The following FER variants were observed in gnomAD, a reference collection of about 807,000 sequenced individuals.
The protein encoded by FER is tyrosine-protein kinase Fer.
A neutral mutation model predicts 111.0 loss-of-function variants in FER; 63 were observed. The ratio of observed to expected loss-of-function variants is 0.57; its 90% confidence interval spans 0.46 to 0.70. The LOEUF is 0.70. Among genes scored for constraint, FER ranks in the 30% least tolerant of loss-of-function variants. The pLI, the probability that FER is intolerant of heterozygous loss-of-function variation, is 0.00. For missense variants in FER, 914 were observed against 954.0 expected, an observed-to-expected ratio of 0.96 and a Z score of 0.55; for synonymous variants, 327 against 313.9, an observed-to-expected ratio of 1.04 and a Z score of -0.44.
chr5:108,847,189 A>T (rs780938578), intron 5 of FER, among the ~76,000 whole-genome samples: 3 of 150,438 alleles, frequency 2.0e-5, no homozygotes, highest in Non-Finnish European at 4.4e-5. Flanking sequence ...TCAATTTTAT[A>T]TATTATGTTT....
chr5:108,862,020 T>C (rs890638589), intron 5 of FER, among the ~76,000 whole-genome samples: 3 of 152,212 alleles, frequency 2.0e-5, no homozygotes, highest in Non-Finnish European at 4.4e-5. Context: ...GTATGCCTTA[T>C]AACCAAATGT....
rs71592773 is a variant in FER, at chr5:108,864,189, T to G, written c.482-3578T>G. ...AATTAAACTCTTTAAAAAAATTATG[T>G]GTTGCTCCATAGAAGTCAGTGGTGA... On this transcript the variant is annotated intron_variant, in intron 5 of 19. Coordinates refer to ENST00000281092, the MANE Select transcript of FER (RefSeq NM_005246.4). 7.6e-3 allele frequency among the ~76,000 whole-genome samples: 1,152 copies of G among 152,290 alleles called. 8 individuals carry two copies. The highest frequency in any genetic ancestry group is 0.01 in the Non-Finnish European group (707 of 68,018).
chr5:109,086,287 C>CT (rs373950994), intron 16 of FER, among the ~76,000 whole-genome samples: 70,268 of 151,208 alleles, frequency 0.46, 17,074 homozygotes, highest in African/African-American at 0.6. Flanking sequence ...GTCCTTACAT[C>CT]CATTTGTCAA....
At chr5:108,947,556 G>T (rs1757150788) in intron 11 of FER, among the ~76,000 whole-genome samples, 3 of 151,718 alleles carry the variant, frequency 2.0e-5, no homozygotes. Flanking sequence ...ATTTATTGTT[G>T]AGTTGTAAGA....
chr5:108,905,730 T>G (rs1458036713), intron 10 of FER, among the ~76,000 whole-genome samples: 1 of 152,198 alleles, frequency 6.6e-6, no homozygotes, highest in African/African-American at 2.4e-5. Context: ...AAACATTTTT[T>G]AAACTTGTGT....
intron 16 of FER, among the ~76,000 whole-genome samples, chr5:109,061,233 C>A (rs1422629646): frequency 1.3e-5 from 2 of 152,012 alleles, no homozygotes; most frequent in African/African-American, 4.8e-5. Context: ...AAATTTGAAA[C>A]CTCTGATAAA....
intron 13 of FER, among the ~76,000 whole-genome samples, chr5:109,031,927 T>C (rs1005561379): frequency 6.6e-6 from 1 of 152,206 alleles, no homozygotes; most frequent in Admixed American, 6.6e-5. Context: ...CTCATCTGTT[T>C]GGAGATGAAC....
intron 9 of FER, among the ~76,000 whole-genome samples, chr5:108,887,178 A>G (rs1005396785): frequency 6.6e-6 from 1 of 151,690 alleles, no homozygotes; most frequent in African/African-American, 2.4e-5. Context: ...TATGTTAGAT[A>G]TTTGCATTCT....
chr5:108,820,319 G>A (rs1758708471), intron 3 of FER: 18 of 985,318 alleles, frequency 1.8e-5, no homozygotes, highest in Non-Finnish European at 2.2e-5. Flanking sequence ...GGACTGTGAA[G>A]GTATTTTATT....
intron 5 of FER, among the ~76,000 whole-genome samples, chr5:108,860,145 A>G (rs1194176347): frequency 1.3e-5 from 2 of 151,674 alleles, no homozygotes; most frequent in African/African-American, 4.8e-5. Flanking sequence ...GTTTCACCAT[A>G]TTGGCCAGGC....
At chr5:108,943,008 A>G (rs1756481901) in intron 10 of FER, among the ~76,000 whole-genome samples, 1 of 152,074 alleles carries the variant, frequency 6.6e-6, no homozygotes, top group Admixed American at 6.6e-5. Flanking sequence ...ATGTTATTAG[A>G]TTGGGTTTAT....
chr5:108,886,371 C>T (rs1747156669), intron 9 of FER, among the ~76,000 whole-genome samples: 2 of 149,298 alleles, frequency 1.3e-5, no homozygotes, highest in Admixed American at 6.7e-5. Flanking sequence ...TACTTTGTGT[C>T]ACATATTATG....
In FER at chr5:108,832,940, C is replaced by A; in HGVS notation, c.378C>A (p.Ile126=). ...ATCAGCAGATAGAGGCAGAGATGAT[C>A]AAGGTTCGTTTTTCCATATTGAAGT... ...GVHQQIEAEM[I]KVTKTELEKL... The change falls in exon 4 of 20, where the codon ATC becomes ATA. Residue 126 remains isoleucine, a synonymous_variant. Coordinates refer to ENST00000281092, the MANE Select transcript of FER (RefSeq NM_005246.4). 2 of 1,559,070 alleles carry A rather than the reference C, an allele frequency of 1.3e-6. No individual in the cohort carries two copies. Among genetic ancestry groups the A allele is most frequent in the Non-Finnish European group, 8.7e-7 (1 of 1,155,100 alleles).
chr5:109,098,369 A>T (rs1042270670), intron 16 of FER, among the ~76,000 whole-genome samples: 1 of 151,776 alleles, frequency 6.6e-6, no homozygotes, highest in Non-Finnish European at 1.5e-5. Flanking sequence ...GGCAGATGAT[A>T]AAGTGCTAAC....
intron 9 of FER, chr5:108,894,338 G>T (rs1561576267): frequency 1.0e-6 from 1 of 958,352 alleles, no homozygotes. Flanking sequence ...AGAGGAGGAG[G>T]AGCCATCACT....
Position 109,192,958 on chromosome 5 carries a change from G to A in FER, c.*5383G>A, listed in dbSNP as rs978359730. Reference sequence around the variant, plus strand: ...AAGAAAGAGACATCCAGAAAGGAAGGTTGAAAGGAAATGAAGGGCAGTAAC... The same window carrying A: ...AAGAAAGAGACATCCAGAAAGGAAGATTGAAAGGAAATGAAGGGCAGTAAC... On this transcript the variant is annotated 3_prime_UTR_variant, in exon 20 of 20. Coordinates refer to ENST00000281092, the MANE Select transcript of FER (RefSeq NM_005246.4). 6.6e-5 allele frequency: 10 copies of A among 152,104 alleles called. No homozygotes were observed. The highest frequency in any genetic ancestry group is 2.4e-4 in the African/African-American group (10 of 41,434). 9.4% of individuals were successfully genotyped at this position (152,104 alleles called of 1,614,324 possible).
At chr5:108,960,049 T>C (rs1758940629) in intron 13 of FER, among the ~76,000 whole-genome samples, 1 of 152,152 alleles carries the variant, frequency 6.6e-6, no homozygotes, top group African/African-American at 2.4e-5. Context: ...TGGGTTGGTA[T>C]TGGCAAGAGC....
intron 13 of FER, among the ~76,000 whole-genome samples, chr5:109,029,269 T>C (rs756969156): frequency 1.9e-4 from 29 of 150,322 alleles, no homozygotes; most frequent in Non-Finnish European, 3.7e-4. Context: ...TATTATACTT[T>C]AAGTTTTAGG....
chr5:108,878,053 G>A (rs1236393013), intron 8 of FER, among the ~76,000 whole-genome samples: 2 of 151,934 alleles, frequency 1.3e-5, no homozygotes, highest in Non-Finnish European at 2.9e-5. Context: ...CTACGGGTGT[G>A]CACCACCATA....
Sources: gnomAD v4.1 joint callset for allele counts (sites outside exome capture counted in the v4.1 genomes callset) on GRCh38, gnomAD v4.1.1 for gene constraint, MANE v1.5 for transcripts, NCBI Gene and HGNC (gene_info 2026-07-23, HGNC 2026-07-21) for gene names.